The following MECOM variants were observed in gnomAD, a reference collection of about 807,000 sequenced individuals.
MECOM encodes MDS1 and EVI1 complex locus.
In MECOM, 13 loss-of-function variants were observed where a neutral mutation model predicts 116.3. The observed-to-expected ratio is 0.11, with a 90% confidence interval of 0.07 to 0.18. MECOM has a LOEUF of 0.18. MECOM is among the 10% of genes least tolerant of loss of function. The probability of loss-of-function intolerance (pLI) is 1.00; values close to 1 mark genes in which losing one functional copy is unlikely to be tolerated. For synonymous variants in MECOM, 528 were observed against 535.2 expected (o/e 0.99, Z 0.19); for missense variants, 1,299 against 1,509.0 (o/e 0.86, Z 2.31).
chr3:169,436,830 A>G (rs1405475079), intron 1 of MECOM, among the ~76,000 whole-genome samples: 2 of 152,122 alleles, frequency 1.3e-5, no homozygotes, highest in Non-Finnish European at 2.9e-5. Context: ...GAAATTTTTT[A>G]TTCTCAATAA....
At chr3:169,650,641 C>T (rs1431683461) in intron 1 of MECOM, among the ~76,000 whole-genome samples, 1 of 151,964 alleles carries the variant, frequency 6.6e-6, no homozygotes, top group Non-Finnish European at 1.5e-5. Context: ...CTCCAGAAGC[C>T]AAAGATGCTT....
At chr3:169,232,478 T>C (rs1211970604) in intron 2 of MECOM, among the ~76,000 whole-genome samples, 1 of 151,786 alleles carries the variant, frequency 6.6e-6, no homozygotes, top group East Asian at 1.9e-4. Flanking sequence ...ATCAAAGAAC[T>C]TATGTATTGC....
chr3:169,224,146 A>G (rs1752451458), intron 2 of MECOM, among the ~76,000 whole-genome samples: 1 of 152,084 alleles, frequency 6.6e-6, no homozygotes, highest in African/African-American at 2.4e-5. Context: ...TCTAGAGGGT[A>G]AGAGAGAAAA....
chr3:169,468,036 C>T (rs115085356), intron 1 of MECOM, among the ~76,000 whole-genome samples: 1,831 of 152,228 alleles, frequency 0.012, 34 homozygotes, highest in African/African-American at 0.042. Flanking sequence ...AAGTCATTTT[C>T]CCCCAAAGCC....
At chr3:169,307,527 C>A (rs1337613111) in intron 2 of MECOM, among the ~76,000 whole-genome samples, 1 of 152,088 alleles carries the variant, frequency 6.6e-6, no homozygotes, top group Non-Finnish European at 1.5e-5. Context: ...CATGATCATG[C>A]CACTGCACTC....
At chr3:169,313,322 G>A (rs1009740869) in intron 2 of MECOM, among the ~76,000 whole-genome samples, 5 of 152,216 alleles carry the variant, frequency 3.3e-5, no homozygotes, top group African/African-American at 1.2e-4. Context: ...CTCTAAAGAG[G>A]AGGAGAAAAA....
intron 3 of MECOM, among the ~76,000 whole-genome samples, chr3:169,140,160 C>T (rs149997377): frequency 6.6e-6 from 1 of 152,132 alleles, no homozygotes; most frequent in African/African-American, 2.4e-5. Flanking sequence ...CTACCCTGCT[C>T]TGCCTTTCAG....
intron 1 of MECOM, among the ~76,000 whole-genome samples, chr3:169,590,532 C>T (rs1191722665): frequency 6.6e-6 from 1 of 152,168 alleles, no homozygotes; most frequent in African/African-American, 2.4e-5. Flanking sequence ...AAATCCTTTT[C>T]TCGAAAATTC....
At chr3:169,242,056 G>T (rs942322832) in intron 2 of MECOM, among the ~76,000 whole-genome samples, 28 of 152,278 alleles carry the variant, frequency 1.8e-4, no homozygotes, top group African/African-American at 5.8e-4. Context: ...ACTGAGCAGT[G>T]TTTCATATGT....
intron 15 of MECOM, 40 bp downstream of exon 15, chr3:169,089,960 C>T: frequency 6.3e-7 from 1 of 1,582,196 alleles, no homozygotes; most frequent in Non-Finnish European, 8.6e-7. Flanking sequence ...GTACATGGAT[C>T]TACTCTAGCT....
intron 1 of MECOM, among the ~76,000 whole-genome samples, chr3:169,453,314 ATGT>A (rs1182304682): frequency 6.6e-6 from 1 of 152,168 alleles, no homozygotes; most frequent in Non-Finnish European, 1.5e-5. Flanking sequence ...TAATTATCTA[ATGT>A]TGTCTGACAA....
intron 2 of MECOM, among the ~76,000 whole-genome samples, chr3:169,202,580 G>T (rs1749305693): frequency 6.6e-6 from 1 of 151,982 alleles, no homozygotes; most frequent in South Asian, 2.1e-4. Flanking sequence ...ATCCAATGTA[G>T]TGACATAATA....
intron 4 of MECOM, 63 bp from the exon 5 acceptor site, chr3:169,128,123 T>C: frequency 6.9e-7 from 1 of 1,444,778 alleles, no homozygotes; most frequent in Middle Eastern, 1.8e-4. Context: ...AACCAGCCAA[T>C]CTTACCAAAT....
At chr3:169,663,234 G>A (rs1776564959) in intron 1 of MECOM, 102 bp downstream of exon 1, 2 of 1,403,252 alleles carry the variant, frequency 1.4e-6, no homozygotes, top group African/African-American at 1.4e-5. Flanking sequence ...CCGGGGCCCC[G>A]GCGCAAGAGG....
At chr3:169,478,571 A>G (rs1271317660) in intron 1 of MECOM, among the ~76,000 whole-genome samples, 3 of 152,220 alleles carry the variant, frequency 2.0e-5, no homozygotes, top group Admixed American at 2.0e-4. Flanking sequence ...AATAAGTATC[A>G]CCAATTACTA....
At position 169,115,838 on chromosome 3, in the gene MECOM, C is replaced by G. The variant is rs751879390; in HGVS notation, c.2034G>C (p.Leu678=). The G allele has an allele frequency of 6.2e-7, 1 of 1,614,078 alleles. No homozygotes were observed. The highest frequency in any genetic ancestry group is 8.5e-7 in the Non-Finnish European group (1 of 1,180,040). Residue 678 remains leucine, a synonymous_variant, in exon 8 of 17, where the codon CTG becomes CTC. Coordinates refer to ENST00000651503, the MANE Select transcript of MECOM (RefSeq NM_004991.4). The part of the protein sequence containing the change: ...IAEKYFGSTG[L]VGLQDKKVGA... ...CAACTTTTTTGTCTTGCAGCCCCAC[C>G]AGTCCTGTTGAACCAAAGTATTTTT...
chr3:169,320,982 T>C (rs1720748183), intron 2 of MECOM, among the ~76,000 whole-genome samples: 1 of 152,136 alleles, frequency 6.6e-6, no homozygotes, highest in Admixed American at 6.5e-5. Context: ...GGCTAATAAC[T>C]TACCAGAAAA....
chr3:169,462,664 C>T (rs182164960), intron 1 of MECOM, among the ~76,000 whole-genome samples: 81 of 152,218 alleles, frequency 5.3e-4, no homozygotes, highest in Non-Finnish European at 9.3e-4. Flanking sequence ...AACATCCTTA[C>T]GAAAAACTGG....
chr3:169,555,314 G>A (rs73174352), intron 1 of MECOM, among the ~76,000 whole-genome samples: 9,343 of 152,168 alleles, frequency 0.061, 355 homozygotes, highest in African/African-American at 0.069. Flanking sequence ...CTTTTCCCTC[G>A]GGGATTTCAC....
Sources: allele counts gnomAD v4.1 joint callset (sites outside exome capture counted in the v4.1 genomes callset), GRCh38; gene constraint gnomAD v4.1.1; transcripts MANE v1.5; gene names NCBI Gene and HGNC (gene_info 2026-07-23, HGNC 2026-07-21).